The following GABRB2 variants were observed in gnomAD, a reference collection of about 807,000 sequenced individuals.
The protein encoded by GABRB2 is gamma-aminobutyric acid receptor subunit beta-2.
Under a neutral mutation model 54.7 loss-of-function variants are expected in GABRB2, and 16 were observed. That is an observed-to-expected ratio of 0.29 (90% confidence interval 0.20 to 0.44). The LOEUF is 0.44. Ranked by LOEUF, GABRB2 falls within the 20% of genes least tolerant of loss-of-function variation. GABRB2 has a pLI of 1.00. For synonymous variants in GABRB2, 244 were observed against 233.8 expected (o/e 1.04, Z -0.40); for missense variants, 355 against 644.0 (o/e 0.55, Z 4.86).
chr5:161,299,013 C>G (rs1246769060), intron 9 of GABRB2, among the ~76,000 whole-genome samples: 3 of 152,068 alleles, frequency 2.0e-5, no homozygotes, highest in African/African-American at 7.2e-5. Flanking sequence ...CTGCAGCATT[C>G]CATGGCTCAT....
intron 5 of GABRB2, among the ~76,000 whole-genome samples, chr5:161,405,449 G>T (rs1419083900): frequency 6.6e-6 from 1 of 152,020 alleles, no homozygotes; most frequent in Non-Finnish European, 1.5e-5. Context: ...ACCTTTAAGG[G>T]TCACAATATT....
intron 3 of GABRB2, among the ~76,000 whole-genome samples, chr5:161,466,949 A>T (rs1219416184): frequency 6.6e-6 from 1 of 152,062 alleles, no homozygotes; most frequent in Non-Finnish European, 1.5e-5. Flanking sequence ...TCTCTATTTG[A>T]CAATAAGATA....
intron 4 of GABRB2, among the ~76,000 whole-genome samples, chr5:161,458,506 T>C (rs762875096): frequency 6.6e-6 from 1 of 152,144 alleles, no homozygotes; most frequent in Non-Finnish European, 1.5e-5. Context: ...GGATCTAAGA[T>C]AAAGTATCAG....
intron 6 of GABRB2, among the ~76,000 whole-genome samples, chr5:161,335,289 T>C (rs888105118): frequency 6.6e-6 from 1 of 152,152 alleles, no homozygotes; most frequent in Non-Finnish European, 1.5e-5. Flanking sequence ...GTTCTGGTCA[T>C]AGTAAAAGAA....
chr5:161,470,230 T>C (rs960434158), intron 3 of GABRB2, among the ~76,000 whole-genome samples: 4 of 151,782 alleles, frequency 2.6e-5, no homozygotes, highest in African/African-American at 4.8e-5. Context: ...CGAACACTAC[T>C]GAATTGAACA....
chr5:161,426,129 C>T (rs183474320), intron 4 of GABRB2, among the ~76,000 whole-genome samples: 119 of 152,110 alleles, frequency 7.8e-4, no homozygotes, highest in Non-Finnish European at 1.5e-3. Flanking sequence ...ACACAGGCAC[C>T]GAGGGCAAGA....
At chr5:161,355,707 A>AT (rs1754602555) in intron 5 of GABRB2, among the ~76,000 whole-genome samples, 2 of 152,168 alleles carry the variant, frequency 1.3e-5, no homozygotes, top group Non-Finnish European at 2.9e-5. Context: ...TTAGTAACTG[A>AT]TAAAAAAAAA....
intron 8 of GABRB2, chr5:161,327,075 C>A: frequency 3.8e-6 from 2 of 528,798 alleles, no homozygotes; most frequent in Non-Finnish European, 4.8e-6. Flanking sequence ...CACACACACA[C>A]AAACTAGAAG....
intron 3 of GABRB2, among the ~76,000 whole-genome samples, chr5:161,493,687 C>T (rs899662312): frequency 6.6e-6 from 1 of 151,718 alleles, no homozygotes; most frequent in African/African-American, 2.4e-5. Flanking sequence ...TTTAGTTTTG[C>T]TCTTCCTTCC....
intron 3 of GABRB2, among the ~76,000 whole-genome samples, chr5:161,465,229 A>G (rs868007901): frequency 1.3e-5 from 2 of 152,110 alleles, no homozygotes; most frequent in Middle Eastern, 6.8e-3. Context: ...ACTGGGGGAA[A>G]CAAAAGATAT....
chr5:161,431,736 T>C (rs1757177538), intron 4 of GABRB2, among the ~76,000 whole-genome samples: 1 of 152,186 alleles, frequency 6.6e-6, no homozygotes, highest in Non-Finnish European at 1.5e-5. Flanking sequence ...CAGACAGATA[T>C]ACCACTTACA....
chr5:161,501,334 G>C (rs1173090436), intron 3 of GABRB2, among the ~76,000 whole-genome samples: 2 of 152,014 alleles, frequency 1.3e-5, no homozygotes, highest in African/African-American at 4.8e-5. Flanking sequence ...CAAAGGATGA[G>C]AAAATAATTT....
intron 3 of GABRB2, among the ~76,000 whole-genome samples, chr5:161,537,097 C>A (rs888937492): frequency 3.3e-5 from 5 of 152,156 alleles, no homozygotes; most frequent in African/African-American, 9.7e-5. Flanking sequence ...ATTTGCTTCT[C>A]AAACTCAGGT....
intron 5 of GABRB2, among the ~76,000 whole-genome samples, chr5:161,402,982 T>C (rs1277670679): frequency 6.6e-6 from 1 of 152,158 alleles, no homozygotes; most frequent in Non-Finnish European, 1.5e-5. Context: ...GATTTTATAA[T>C]ATGCAGCAAG....
Position 161,352,486 on chromosome 5 carries a change from T to C in GABRB2, c.542-15717A>G, listed in dbSNP as rs569824698. ...GACAAATATTGCATAATTTCAATTGTATGTGGAATCTAAAAAGTTGAACTC... is the reference window on the plus strand; with the variant it reads ...GACAAATATTGCATAATTTCAATTGCATGTGGAATCTAAAAAGTTGAACTC... On this transcript the variant is annotated intron_variant, in intron 5 of 9. Transcript: ENST00000393959. Among the ~76,000 whole-genome samples, 3 of 152,116 alleles carry C rather than the reference T, an allele frequency of 2.0e-5. No homozygotes were observed. The South Asian group carries it at 6.2e-4, about 32-fold the overall frequency.
chr5:161,352,628 A>G (rs1229436040), intron 5 of GABRB2, among the ~76,000 whole-genome samples: 3 of 152,016 alleles, frequency 2.0e-5, no homozygotes, highest in Admixed American at 2.0e-4. Flanking sequence ...CAAAAGATCT[A>G]TTGTCCCACA....
At chr5:161,357,209 G>T (rs1754657600) in intron 5 of GABRB2, among the ~76,000 whole-genome samples, 1 of 152,130 alleles carries the variant, frequency 6.6e-6, no homozygotes, top group African/African-American at 2.4e-5. Context: ...ATCAGTGAGG[G>T]CCTCATTGGC....
At chr5:161,518,928 A>T (rs944511348) in intron 3 of GABRB2, among the ~76,000 whole-genome samples, 3 of 152,234 alleles carry the variant, frequency 2.0e-5, no homozygotes, top group Non-Finnish European at 4.4e-5. Flanking sequence ...AGCTTTTAAA[A>T]CAAATCACTG....
intron 3 of GABRB2, among the ~76,000 whole-genome samples, chr5:161,482,222 G>C (rs1035177290): frequency 1.3e-5 from 2 of 151,966 alleles, no homozygotes; most frequent in Non-Finnish European, 2.9e-5. Context: ...TGTGTTTCTT[G>C]GTTTCAGCGA....
Sources: allele counts gnomAD v4.1 joint callset (sites outside exome capture counted in the v4.1 genomes callset), GRCh38; gene constraint gnomAD v4.1.1; transcripts MANE v1.5; gene names NCBI Gene and HGNC (gene_info 2026-07-23, HGNC 2026-07-21).